PCDH9: variants seen among roughly 807,000 people sequenced by gnomAD.
The protein encoded by PCDH9 is protocadherin 9.
Under a neutral mutation model 70.6 loss-of-function variants are expected in PCDH9, and 24 were observed. The ratio of observed to expected loss-of-function variants is 0.34; its 90% CI spans 0.25 to 0.48. PCDH9 has a LOEUF of 0.48. PCDH9 is among the 20% of genes least tolerant of loss of function. The probability of loss-of-function intolerance (pLI) is 0.99; values close to 1 mark genes in which losing one functional copy is unlikely to be tolerated. For missense variants in PCDH9, 1,281 were observed against 1,503.6 expected (o/e 0.85, Z 2.45); for synonymous variants, 562 against 558.5 (o/e 1.01, Z -0.09).
Position 66,304,951 on chromosome 13 carries a change from CAG to C in PCDH9, c.3416_3417del (p.Ser1139Ter). The C allele has an allele frequency of 6.2e-7, 1 of 1,613,492 alleles. No homozygotes were observed. Among genetic ancestry groups the C allele is most frequent in the Non-Finnish European group, 8.5e-7 (1 of 1,179,720 alleles). ...AAGCCAGGAGGCATCCAGCAATTAT[CAG>C]AGTGACCCAAAACCAAGCACTCTTG... ...CTQECLVLGHSDNCWMPPGLG... is the reference protein window; with the variant it reads ...CTQECLVLGHXDNCWMPPGLG... On this transcript the variant is annotated frameshift_variant, in exon 5 of 5. Transcript: ENST00000377865. LOFTEE classifies it high-confidence loss of function.
intron 3 of PCDH9, among the ~76,000 whole-genome samples, chr13:66,662,181 T>C (rs548815013): frequency 5.9e-5 from 9 of 152,160 alleles, no homozygotes; most frequent in Non-Finnish European, 8.8e-5. Context: ...ACCTAAAGAA[T>C]GTCACATAAG....
chr13:66,792,776 T>C (rs927231220), intron 3 of PCDH9, among the ~76,000 whole-genome samples: 2 of 152,168 alleles, frequency 1.3e-5, no homozygotes, highest in Non-Finnish European at 2.9e-5. Context: ...AAATTGGCTA[T>C]ACATGTGAAT....
At chr13:66,555,101 G>A (rs1053392910) in intron 4 of PCDH9, among the ~76,000 whole-genome samples, 24 of 151,876 alleles carry the variant, frequency 1.6e-4, no homozygotes, top group Middle Eastern at 3.4e-3. Context: ...CCCGGGAGGC[G>A]GAGGTTGCAG....
intron 3 of PCDH9, among the ~76,000 whole-genome samples, chr13:66,875,670 T>C (rs1265193268): frequency 6.6e-6 from 1 of 152,212 alleles, no homozygotes; most frequent in African/African-American, 2.4e-5. Context: ...TACCCTGACT[T>C]TTCTATATAA....
At chr13:67,149,267 A>G (rs1043054948) in intron 2 of PCDH9, among the ~76,000 whole-genome samples, 5 of 152,324 alleles carry the variant, frequency 3.3e-5, no homozygotes, top group African/African-American at 9.6e-5. Flanking sequence ...TAACAAAGAC[A>G]TGGGCTCCTG....
intron 4 of PCDH9, among the ~76,000 whole-genome samples, chr13:66,355,189 T>C (rs1956361092): frequency 6.6e-6 from 1 of 152,022 alleles, no homozygotes; most frequent in Non-Finnish European, 1.5e-5. Flanking sequence ...TTTTTTTTAA[T>C]CCCCAGGCTT....
intron 2 of PCDH9, among the ~76,000 whole-genome samples, chr13:66,905,433 G>A (rs1185512488): frequency 6.6e-6 from 1 of 152,050 alleles, no homozygotes. Flanking sequence ...AAATGTCAAT[G>A]ACTGAGTCCC....
intron 3 of PCDH9, among the ~76,000 whole-genome samples, chr13:66,764,451 G>C (rs1390521512): frequency 6.6e-6 from 1 of 151,846 alleles, no homozygotes; most frequent in Non-Finnish European, 1.5e-5. Context: ...ATTATATGAG[G>C]TGTTTCAGTT....
intron 4 of PCDH9, among the ~76,000 whole-genome samples, chr13:66,409,807 C>T (rs1342420051): frequency 6.6e-6 from 1 of 152,132 alleles, no homozygotes; most frequent in Non-Finnish European, 1.5e-5. Context: ...TGGCATTCAA[C>T]AACATCAGTA....
At chr13:66,504,902 G>C (rs1594077695) in intron 4 of PCDH9, among the ~76,000 whole-genome samples, 1 of 152,208 alleles carries the variant, frequency 6.6e-6, no homozygotes, top group African/African-American at 2.4e-5. Flanking sequence ...CTCCTCAATG[G>C]CTACTAGTTG....
At chr13:66,437,767 G>GTT (rs898358275) in intron 4 of PCDH9, among the ~76,000 whole-genome samples, 2 of 152,028 alleles carry the variant, frequency 1.3e-5, no homozygotes, top group Admixed American at 1.3e-4. Context: ...AAAAATGCAT[G>GTT]TCTTATGCCC....
intron 4 of PCDH9, among the ~76,000 whole-genome samples, chr13:66,440,023 A>G (rs1230785382): frequency 6.6e-6 from 1 of 152,226 alleles, no homozygotes; most frequent in Non-Finnish European, 1.5e-5. Flanking sequence ...CTAAACATGC[A>G]TCACACAAAG....
At chr13:66,661,494 A>C (rs2078008081) in intron 3 of PCDH9, among the ~76,000 whole-genome samples, 1 of 152,214 alleles carries the variant, frequency 6.6e-6, no homozygotes, top group African/African-American at 2.4e-5. Flanking sequence ...TTTACTAATT[A>C]AAATTGCTTT....
At chr13:66,912,260 C>T (rs778002472) in intron 2 of PCDH9, among the ~76,000 whole-genome samples, 12 of 152,052 alleles carry the variant, frequency 7.9e-5, no homozygotes, top group Non-Finnish European at 1.5e-4. Context: ...ATTTTCTCTC[C>T]AGATAATTGG....
At chr13:66,348,675 ATTTTTTTT>A (rs59340641) in intron 4 of PCDH9, among the ~76,000 whole-genome samples, 15 of 136,082 alleles carry the variant, frequency 1.1e-4, no homozygotes, top group African/African-American at 2.0e-4. Context: ...GCTATTTGCC[ATTTTTTTT>A]TTTTTTTTTT....
chr13:66,942,253 T>C (rs1256789451), intron 2 of PCDH9, among the ~76,000 whole-genome samples: 3 of 151,518 alleles, frequency 2.0e-5, no homozygotes, highest in Non-Finnish European at 3.0e-5. Context: ...TCTTCCTCAA[T>C]AGTTTAGAAA....
At chr13:67,224,851 A>G in intron 2 of PCDH9, 1 of 955,700 alleles carries the variant, frequency 1.0e-6, no homozygotes, top group Non-Finnish European at 1.2e-6. Flanking sequence ...GACTTCCTAT[A>G]TGGCTTAGTT....
chr13:67,055,173 TA>T (rs564695099), intron 2 of PCDH9, among the ~76,000 whole-genome samples: 1 of 152,208 alleles, frequency 6.6e-6, no homozygotes, highest in South Asian at 2.1e-4. Flanking sequence ...TTACACATAC[TA>T]AAAAATTATT....
chr13:67,214,935 G>GATATAAAT (rs2089556792), intron 2 of PCDH9: 1 of 89,248 alleles, frequency 1.1e-5, no homozygotes, highest in Non-Finnish European at 2.4e-5. Flanking sequence ...TTGCGAGCCA[G>GATATAAAT]ATATATATAT....
Sources: gnomAD v4.1 joint callset for allele counts (sites outside exome capture counted in the v4.1 genomes callset) on GRCh38, gnomAD v4.1.1 for gene constraint, MANE v1.5 for transcripts, NCBI Gene and HGNC (gene_info 2026-07-23, HGNC 2026-07-21) for gene names.